UNC5D: variants seen among roughly 807,000 people sequenced by gnomAD.
The protein encoded by UNC5D is netrin receptor UNC5D.
In UNC5D, 39 loss-of-function variants were observed where a neutral mutation model predicts 105.4. The observed-to-expected ratio is 0.37, with a 90% CI of 0.29 to 0.48. The LOEUF (loss-of-function observed/expected upper bound fraction) is 0.48. Ranked by LOEUF, UNC5D falls within the 20% of genes least tolerant of loss-of-function variation. The pLI is 0.98. For synonymous variants in UNC5D, 452 were observed against 450.4 expected, an observed-to-expected ratio of 1.00 and a Z score of -0.04; for missense variants, 991 against 1,202.4, an observed-to-expected ratio of 0.82 and a Z score of 2.60.
intron 1 of UNC5D, chr8:35,525,274 T>G: frequency 6.2e-7 from 1 of 1,612,278 alleles, no homozygotes; most frequent in Non-Finnish European, 8.5e-7. Flanking sequence ...TCAACTATTT[T>G]GCGTACATGG....
chr8:35,303,474 A>C (rs972360929), intron 1 of UNC5D, among the ~76,000 whole-genome samples: 1 of 152,140 alleles, frequency 6.6e-6, no homozygotes, highest in African/African-American at 2.4e-5. Context: ...AGGTTTAGAT[A>C]ATTAGAATTA....
chr8:35,376,239 C>A (rs1324347144), intron 1 of UNC5D, among the ~76,000 whole-genome samples: 1 of 152,170 alleles, frequency 6.6e-6, no homozygotes, highest in African/African-American at 2.4e-5. Context: ...CACTAGTTAG[C>A]AACAGCAACA....
At chr8:35,438,698 G>C (rs915764849) in intron 1 of UNC5D, among the ~76,000 whole-genome samples, 1 of 151,808 alleles carries the variant, frequency 6.6e-6, no homozygotes, top group Non-Finnish European at 1.5e-5. Context: ...CTTTGATAAA[G>C]TTTGCAGCAG....
chr8:35,574,107 G>A (rs1344439627), intron 3 of UNC5D, among the ~76,000 whole-genome samples: 2 of 152,160 alleles, frequency 1.3e-5, no homozygotes, highest in Non-Finnish European at 2.9e-5. Context: ...ATTATTTGTA[G>A]TTGTTTATTT....
At chr8:35,377,712 G>A (rs1344726778) in intron 1 of UNC5D, among the ~76,000 whole-genome samples, 7 of 152,128 alleles carry the variant, frequency 4.6e-5, no homozygotes, top group African/African-American at 7.2e-5. Flanking sequence ...GAAGACATTC[G>A]TATCTGTGGG....
chr8:35,348,228 C>T (rs1451384109), intron 1 of UNC5D, among the ~76,000 whole-genome samples: 1 of 150,888 alleles, frequency 6.6e-6, no homozygotes, highest in African/African-American at 2.4e-5. Flanking sequence ...GTTGTTTTAC[C>T]AAAAAAAATT....
chr8:35,429,381 A>C (rs904898676), intron 1 of UNC5D, among the ~76,000 whole-genome samples: 1 of 152,204 alleles, frequency 6.6e-6, no homozygotes, highest in Middle Eastern at 3.4e-3. Flanking sequence ...TTCAGTGAAT[A>C]GTCAGACTAC....
intron 1 of UNC5D, among the ~76,000 whole-genome samples, chr8:35,515,974 T>A (rs917617646): frequency 6.6e-6 from 1 of 152,156 alleles, no homozygotes; most frequent in African/African-American, 2.4e-5. Flanking sequence ...TAGTTTTTCC[T>A]ACCCCATCAA....
chr8:35,641,649 A>G (rs1049092803), intron 4 of UNC5D, among the ~76,000 whole-genome samples: 2 of 152,124 alleles, frequency 1.3e-5, no homozygotes. Context: ...ATTCTGTATC[A>G]TCTCATGGAT....
chr8:35,668,732 T>C (rs1284220052), intron 4 of UNC5D, among the ~76,000 whole-genome samples: 4 of 152,134 alleles, frequency 2.6e-5, no homozygotes, highest in African/African-American at 9.7e-5. Context: ...TTTATTGTTA[T>C]AATTATTTGC....
intron 4 of UNC5D, among the ~76,000 whole-genome samples, chr8:35,672,677 T>C (rs574917930): frequency 6.6e-6 from 1 of 152,308 alleles, no homozygotes; most frequent in East Asian, 1.9e-4. Context: ...TTCTTATATT[T>C]ATGTTTCTTC....
At chr8:35,637,252 A>G (rs1037213098) in intron 4 of UNC5D, among the ~76,000 whole-genome samples, 1 of 152,170 alleles carries the variant, frequency 6.6e-6, no homozygotes, top group African/African-American at 2.4e-5. Context: ...TAAAAAAGTA[A>G]TCACACTTTT....
chr8:35,341,429 G>A (rs1811446365), intron 1 of UNC5D, among the ~76,000 whole-genome samples: 1 of 151,588 alleles, frequency 6.6e-6, no homozygotes, highest in African/African-American at 2.4e-5. Context: ...ATGAGCGTAA[G>A]AAGGAGCTTG....
intron 1 of UNC5D, among the ~76,000 whole-genome samples, chr8:35,248,854 A>T (rs1365785230): frequency 1.1e-5 from 1 of 92,334 alleles, no homozygotes; most frequent in Non-Finnish European, 1.8e-5. Flanking sequence ...TTTTATATAT[A>T]ATTCTATAAT....
intron 16 of UNC5D, among the ~76,000 whole-genome samples, chr8:35,775,198 C>T (rs1022269616): frequency 6.6e-6 from 1 of 152,154 alleles, no homozygotes; most frequent in African/African-American, 2.4e-5. Flanking sequence ...TGAGGACATG[C>T]TCAACCTACA....
chr8:35,288,724 GA>G (rs1197177347), intron 1 of UNC5D, among the ~76,000 whole-genome samples: 2 of 152,138 alleles, frequency 1.3e-5, no homozygotes, highest in African/African-American at 4.8e-5. Context: ...AAGTTGTTGG[GA>G]GGGTGAAAGT....
chr8:35,663,639 G>T (rs1401151872), intron 4 of UNC5D, among the ~76,000 whole-genome samples: 3 of 152,156 alleles, frequency 2.0e-5, no homozygotes, highest in Non-Finnish European at 2.9e-5. Flanking sequence ...GTATGTAGTG[G>T]TTATGGTGTA....
intron 1 of UNC5D, among the ~76,000 whole-genome samples, chr8:35,355,702 C>T (rs1159990063): frequency 6.6e-6 from 1 of 152,110 alleles, no homozygotes; most frequent in Non-Finnish European, 1.5e-5. Context: ...GTAATATTTA[C>T]AGGCAGGGCT....
rs376152620 is a variant in UNC5D at position 35,665,640 on chromosome 8, AT to A, written c.571-17890del. ...CATGAGGTAGGGGAGAGAAGGTGCC[AT>A]TTTTTTTTTTTTTTTTGCATTTTGC... On this transcript the variant is annotated intron_variant, in intron 4 of 16. Transcript: ENST00000404895. Among the ~76,000 whole-genome samples, 441 of 124,014 alleles carry A rather than the reference AT, an allele frequency of 3.6e-3. 1 individual carries two copies. The highest frequency in any genetic ancestry group is 9.0e-3 in the Middle Eastern group (2 of 222). 81.4% of individuals were successfully genotyped at this position (124,014 alleles called of 152,430 possible). A position where few individuals can be genotyped will look rare whatever the true frequency, so the allele number is the denominator to read the frequency against.
Sources: allele counts gnomAD v4.1 joint callset (sites outside exome capture counted in the v4.1 genomes callset), GRCh38; gene constraint gnomAD v4.1.1; transcripts MANE v1.5; gene names NCBI Gene and HGNC (gene_info 2026-07-23, HGNC 2026-07-21).